Variants in MTOR observed in about 807,000 individuals in gnomAD.
The protein encoded by MTOR is mechanistic target of rapamycin kinase, also known as serine/threonine-protein kinase mTOR.
In MTOR, 70 loss-of-function variants were observed where a neutral mutation model predicts 319.8. That is an observed-to-expected ratio of 0.22 (90% CI 0.18 to 0.27). The LOEUF (loss-of-function observed/expected upper bound fraction) is 0.27. Among genes scored for constraint, MTOR ranks in the 10% least tolerant of loss-of-function variants. The pLI is 1.00. For missense variants in MTOR, 1,890 were observed against 3,274.4 expected, an observed-to-expected ratio of 0.58 and a Z score of 10.32; for synonymous variants, 1,183 against 1,211.4, an observed-to-expected ratio of 0.98 and a Z score of 0.49.
At position 11,139,667 on chromosome 1, in the gene MTOR, T is replaced by C; in HGVS notation, c.4873-9A>G. On this transcript the variant is annotated splice_polypyrimidine_tract_variant and intron_variant, in intron 34 of 57. Coordinates refer to ENST00000361445, the MANE Select transcript of MTOR (RefSeq NM_004958.4). Reference sequence around the variant, plus strand: ...ACGATACGCTGGCAGCCCTGGAACATTCAGAAGTGAAGATTAGATATGTCT... The same window carrying C: ...ACGATACGCTGGCAGCCCTGGAACACTCAGAAGTGAAGATTAGATATGTCT... 6.2e-7 allele frequency: 1 copy of C among 1,614,150 alleles called. No homozygotes were observed. Among genetic ancestry groups the C allele is most frequent in the Non-Finnish European group, 8.5e-7 (1 of 1,180,020 alleles).
At chr1:11,193,483 TG>T in intron 28 of MTOR, 1 of 1,112,962 alleles carries the variant, frequency 9.0e-7, no homozygotes, top group South Asian at 1.6e-5. Context: ...ACACATCTAC[TG>T]GCTCTGCAGG....
chr1:11,189,295 T>G, intron 28 of MTOR: 2 of 301,648 alleles, frequency 6.6e-6, no homozygotes, highest in East Asian at 7.1e-5. Context: ...GGTGCAGCCA[T>G]GGTAGGGGTG....
At chr1:11,260,648 C>T (rs1650990308) in intron 1 of MTOR, among the ~76,000 whole-genome samples, 1 of 151,548 alleles carries the variant, frequency 6.6e-6, no homozygotes, top group Non-Finnish European at 1.5e-5. Context: ...AAATTAATTA[C>T]CTAAACCAAT....
Position 11,128,656 on chromosome 1 carries a change from G to T in MTOR, c.5812-104C>A. ...TTTAACTTGTTTCGGTTGATGCTCT[G>T]AAATGGTTCATTCCCTTCCCTTTAG... On this transcript the variant is annotated intron_variant, in intron 41 of 57. Coordinates refer to ENST00000361445, the MANE Select transcript of MTOR (RefSeq NM_004958.4). The surrounding 1 kb of genome is among the most constrained non-coding windows in gnomAD (Gnocchi z 5.3). 8.1e-7 allele frequency: 1 copy of T among 1,227,844 alleles called. No individual in the cohort carries two copies. Among genetic ancestry groups the T allele is most frequent in the Admixed American group, 1.9e-5 (1 of 52,086 alleles). 76.1% of individuals were successfully genotyped at this position (1,227,844 alleles called of 1,614,324 possible). A position where few individuals can be genotyped will look rare whatever the true frequency, so the allele number is the denominator to read the frequency against.
chr1:11,218,441 A>G (rs1363458029), intron 19 of MTOR, among the ~76,000 whole-genome samples: 3 of 152,160 alleles, frequency 2.0e-5, no homozygotes, highest in Non-Finnish European at 2.9e-5. Flanking sequence ...AAAAAAAAAA[A>G]ATGTTATTAC....
chr1:11,159,285 T>A (rs549237074), intron 29 of MTOR, among the ~76,000 whole-genome samples: 1 of 152,290 alleles, frequency 6.6e-6, no homozygotes, highest in Non-Finnish European at 1.5e-5. Context: ...CAAGGATGGA[T>A]GAGATACAGT....
Position 11,202,420 on chromosome 1 carries a change from C to CAAAA in MTOR, c.3944+2137_3944+2140dup, listed in dbSNP as rs35136193. On this transcript the variant is annotated intron_variant, in intron 26 of 57. Transcript: ENST00000361445. ...TGGGAAACAGAGCAAAACTCCGTCT[C>CAAAA]AAAAAAAAAAAAAAAAAAAAAGATT... is the stretch of plus-strand genomic sequence containing the variant. 1.4e-3 allele frequency among the ~76,000 whole-genome samples: 103 copies of CAAAA among 71,996 alleles called. 1 individual carries two copies. The highest frequency in any genetic ancestry group is 0.012 in the South Asian group (20 of 1,602). The allele number at this position is 71,996 out of a possible 152,430, so 47.2% of individuals were successfully genotyped here. A position where few individuals can be genotyped will look rare whatever the true frequency, so the allele number is the denominator to read the frequency against.
intron 29 of MTOR, among the ~76,000 whole-genome samples, chr1:11,158,854 CTA>C (rs1644392660): frequency 6.6e-6 from 1 of 151,878 alleles, no homozygotes; most frequent in Non-Finnish European, 1.5e-5. Context: ...ATTGCAGAAA[CTA>C]TAAGGTTTAA....
chr1:11,179,560 C>T (rs114896269), intron 28 of MTOR, among the ~76,000 whole-genome samples: 2,203 of 152,340 alleles, frequency 0.014, 18 homozygotes, highest in Non-Finnish European at 0.021. Context: ...CCAGAACTCT[C>T]CTCTTCTTAC....
intron 29 of MTOR, among the ~76,000 whole-genome samples, chr1:11,164,769 T>G (rs1644590329): frequency 6.6e-6 from 1 of 152,198 alleles, no homozygotes; most frequent in Non-Finnish European, 1.5e-5. Flanking sequence ...ATCATCCTGA[T>G]ACCAAAGCCT....
chr1:11,107,599 C>G, intron 57 of MTOR, 99 bp from the exon 58 acceptor site: 2 of 1,306,744 alleles, frequency 1.5e-6, no homozygotes, highest in South Asian at 1.3e-5. Flanking sequence ...TCTGACAACC[C>G]TAGGGTATTC....
At chr1:11,184,366 G>A (rs953783015) in intron 28 of MTOR, among the ~76,000 whole-genome samples, 4 of 152,124 alleles carry the variant, frequency 2.6e-5, no homozygotes, top group East Asian at 1.9e-4. Context: ...AAATGACCCC[G>A]TCAGGGTATT....
chr1:11,121,492 G>A lies in MTOR; in HGVS notation c.6811-124C>T. ...TAATTTCCCCATCATAGCCAAAGGA[G>A]AAGGGAAATAAGAACATGGCAAAAG... On this transcript the variant is annotated intron_variant, in intron 48 of 57. Transcript: ENST00000361445. This position sits in a 1 kb window ranked among gnomAD's most constrained non-coding sequence, Gnocchi z 4.9. The A allele has an allele frequency of 7.6e-7, 1 of 1,318,962 alleles. No homozygotes were observed. The highest frequency in any genetic ancestry group is 2.3e-5 in the East Asian group (1 of 42,824). 81.7% of individuals were successfully genotyped at this position (1,318,962 alleles called of 1,614,324 possible).
intron 30 of MTOR, among the ~76,000 whole-genome samples, chr1:11,152,769 A>G (rs1644192516): frequency 6.6e-6 from 1 of 152,242 alleles, no homozygotes; most frequent in East Asian, 1.9e-4. Context: ...GGATATACGC[A>G]CACAAAAGAA....
Position 11,128,734 on chromosome 1 carries a change from T to C in MTOR, c.5811+121A>G, listed in dbSNP as rs1243721179. 3 of 1,032,612 alleles carry C rather than the reference T, an allele frequency of 2.9e-6. No individual in the cohort carries two copies. Among genetic ancestry groups the C allele is most frequent in the Non-Finnish European group, 4.4e-6 (3 of 686,902 alleles). 64.0% of individuals were successfully genotyped at this position (1,032,612 alleles called of 1,614,324 possible). A position where few individuals can be genotyped will look rare whatever the true frequency, so the allele number is the denominator to read the frequency against. ...GACACTTGACACTGGGACCGAGCCC[T>C]ACTTCCTTAGCACTGTATTAACACA... On this transcript the variant is annotated intron_variant, in intron 41 of 57. Coordinates refer to ENST00000361445, the MANE Select transcript of MTOR (RefSeq NM_004958.4). This position sits in a 1 kb window ranked among gnomAD's most constrained non-coding sequence, Gnocchi z 5.3.
At chr1:11,137,535 C>G (rs1643487798) in intron 36 of MTOR, among the ~76,000 whole-genome samples, 1 of 152,176 alleles carries the variant, frequency 6.6e-6, no homozygotes, top group Non-Finnish European at 1.5e-5. Context: ...TTTGTTTTCT[C>G]CATCCCCAGG....
intron 6 of MTOR, among the ~76,000 whole-genome samples, chr1:11,253,504 G>C (rs919764570): frequency 3.9e-5 from 6 of 151,906 alleles, no homozygotes; most frequent in African/African-American, 1.5e-4. Context: ...TTTCATCAAT[G>C]TCTCACACTC....
chr1:11,137,250 G>A (rs977916395), intron 36 of MTOR, among the ~76,000 whole-genome samples: 1 of 150,170 alleles, frequency 6.7e-6, no homozygotes, highest in Admixed American at 6.6e-5. Context: ...CATACGTCAC[G>A]CAGGTAGGAG....
At chr1:11,118,237 T>C (rs894385555) in intron 49 of MTOR, among the ~76,000 whole-genome samples, 1 of 110,338 alleles carries the variant, frequency 9.1e-6, no homozygotes, top group Admixed American at 9.8e-5. Context: ...AATTTTTTTT[T>C]TTTTTTTTTT....
Sources: gnomAD v4.1 joint callset for allele counts (sites outside exome capture counted in the v4.1 genomes callset) on GRCh38, gnomAD v4.1.1 for gene constraint, Gnocchi (gnomAD v3.1) non-coding constraint, MANE v1.5 for transcripts, NCBI Gene and HGNC (gene_info 2026-07-23, HGNC 2026-07-21) for gene names.